The following HELZ2 variants were observed in gnomAD, a reference collection of about 807,000 sequenced individuals.
The protein encoded by HELZ2 is helicase with zinc finger 2.
Under a neutral mutation model 208.8 loss-of-function variants are expected in HELZ2, and 143 were observed. That is an observed-to-expected ratio of 0.68 (90% CI 0.60 to 0.79). The LOEUF is 0.79. Among genes scored for constraint, HELZ2 ranks in the 30% least tolerant of loss-of-function variants. HELZ2 has a pLI of 0.00. For missense variants in HELZ2, 3,690 were observed against 3,794.5 expected (o/e 0.97, Z 0.72); for synonymous variants, 1,705 against 1,693.7 (o/e 1.01, Z -0.16).
exon 8 of HELZ2, chr20:63,563,362 G>C: frequency 6.5e-7 from 1 of 1,537,634 alleles, no homozygotes; most frequent in Non-Finnish European, 8.7e-7. Context: ...CCACGGCCAG[G>C]GTGTGTGGGT....
At position 63,571,884 on chromosome 20, in the gene HELZ2, C is replaced by A. The variant is rs1342680969; in HGVS notation, c.278+224G>T. The A allele has an allele frequency of 8.7e-5, 30 of 344,538 alleles. 4 individuals are homozygous for A. Among genetic ancestry groups the A allele is most frequent in the Non-Finnish European group, 1.3e-4 (28 of 213,364 alleles). The allele number at this position is 344,538 out of a possible 1,614,324, so 21.3% of individuals were successfully genotyped here. A position where few individuals can be genotyped will look rare whatever the true frequency, so the allele number is the denominator to read the frequency against. On this transcript the variant is annotated intron_variant, in intron 1 of 18. Transcript: ENST00000467148. ...GTGGGCTCCTGCCCTGCTCCAAGCT[C>A]CTGGGAGCCTCTGGCTCTGCCTGTG...
chr20:63,562,210 G>C lies in HELZ2; in HGVS notation c.6398-7C>G, dbSNP rs767412349. On this transcript the variant is annotated splice_region_variant and splice_polypyrimidine_tract_variant and intron_variant, in intron 9 of 18. Coordinates refer to ENST00000467148, the Ensembl canonical transcript of HELZ2. Reference sequence around the variant, plus strand: ...AGGAACCTGCTGGGGATCACTGAGAGGGGGCAGCCTCCCTGAGCACTCATG... The same window carrying C: ...AGGAACCTGCTGGGGATCACTGAGACGGGGCAGCCTCCCTGAGCACTCATG... The C allele has an allele frequency of 1.9e-6, 3 of 1,611,690 alleles. No individual in the cohort carries two copies. In the African/African-American group the frequency reaches 4.0e-5, roughly 22 times the overall value.
rs775234724 is a variant in HELZ2 at position 63,562,455 on chromosome 20, C to G, written c.6302+65G>C. ...GGGGCTGCTGCCCCACGAGCTCCCC[C>G]CTCCTGCAAGTGAGGGGCCCGGGGC... On this transcript the variant is annotated intron_variant, in intron 8 of 18. Coordinates refer to ENST00000467148, the Ensembl canonical transcript of HELZ2. 1,331 of 1,528,306 alleles carry G rather than the reference C, an allele frequency of 8.7e-4. 2 individuals are homozygous for G. Among genetic ancestry groups the G allele is most frequent in the Admixed American group, 2.0e-3 (98 of 48,134 alleles). 94.7% of individuals were successfully genotyped at this position (1,528,306 alleles called of 1,614,324 possible). A position where few individuals can be genotyped will look rare whatever the true frequency, so the allele number is the denominator to read the frequency against.
In HELZ2 at chr20:63,562,123, C is replaced by A. The variant is rs1328383463; in HGVS notation, c.6478G>T (p.Ala2160Ser). Residue 2160 changes from alanine to serine, a missense_variant, in exon 10 of 19, where the codon GCG (alanine) becomes TCG (serine). This residue lies in a region of HELZ2 where 2,564 missense variants were observed against 2,580.5 expected (regional missense o/e 0.99). Coordinates refer to ENST00000467148, the Ensembl canonical transcript of HELZ2. Reference sequence around the variant, plus strand: ...GGCTTCTCCAGAGCCTCCCTGACCGCCACGTTCTGGCTGGGGTTCAGCTTG... The same window carrying A: ...GGCTTCTCCAGAGCCTCCCTGACCGACACGTTCTGGCTGGGGTTCAGCTTG... 1.2e-6 allele frequency: 2 copies of A among 1,612,490 alleles called. No homozygotes were observed. The highest frequency in any genetic ancestry group is 2.7e-5 in the African/African-American group (2 of 74,946).
chr20:63,568,201 C>T lies in HELZ2; in HGVS notation c.1730+157G>A, dbSNP rs572109081. ...ACAGCAGACCCGGCCACCCTCGGTGCCCTGAGCTGGGCCTGATAAAGCCAA... is the reference window on the plus strand; with the variant it reads ...ACAGCAGACCCGGCCACCCTCGGTGTCCTGAGCTGGGCCTGATAAAGCCAA... On this transcript the variant is annotated intron_variant, in intron 5 of 18. Coordinates refer to ENST00000467148, the Ensembl canonical transcript of HELZ2. 1.4e-5 allele frequency: 9 copies of T among 651,414 alleles called. No individual in the cohort carries two copies. The Admixed American group carries it at 2.7e-4, about 19-fold the overall frequency. The allele number at this position is 651,414 out of a possible 1,614,324, so 40.4% of individuals were successfully genotyped here.
chr20:63,566,697 G>A (rs546645513), intron 6 of HELZ2, 147 bp downstream of exon 7: 9 of 823,602 alleles, frequency 1.1e-5, no homozygotes, highest in African/African-American at 1.0e-4. Flanking sequence ...CTCAGGGGCC[G>A]AGCCCCACCT....
intron 7 of HELZ2, 41 bp from the exon 9 acceptor site, chr20:63,566,272 A>G (rs1350152835): frequency 6.0e-6 from 9 of 1,488,380 alleles, no homozygotes; most frequent in Non-Finnish European, 8.1e-6. Context: ...GGTGCGCAAG[A>G]CGGTGGGACC....
intron 1 of HELZ2, 166 bp from the exon 3 acceptor site, chr20:63,571,034 AAACATG>A: frequency 1.7e-6 from 1 of 582,464 alleles, no homozygotes; most frequent in East Asian, 2.8e-5. Flanking sequence ...AGCAGTTCCC[AAACATG>A]AACCTCCCTT....
chr20:63,569,652 T>C, exon 4 of HELZ2: 1 of 1,534,268 alleles, frequency 6.5e-7, no homozygotes, highest in Non-Finnish European at 8.8e-7. Flanking sequence ...CAGGGCCACG[T>C]GTAGCAGGGG....
chr20:63,567,292 C>A, exon 6 of HELZ2: 1 of 1,610,074 alleles, frequency 6.2e-7, no homozygotes, highest in African/African-American at 1.3e-5. Context: ...CAGCACGAGG[C>A]GGGTGCCGTG....
chr20:63,565,923 G>C, exon 8 of HELZ2: 5 of 1,598,584 alleles, frequency 3.1e-6, no homozygotes, highest in Non-Finnish European at 4.2e-6. Flanking sequence ...GCCCCAGCCT[G>C]TGTGCCTCGG....
chr20:63,562,732 G>A (rs756937810), exon 8 of HELZ2: 2 of 1,602,364 alleles, frequency 1.2e-6, no homozygotes, highest in Non-Finnish European at 1.7e-6. Flanking sequence ...TCAGGCCAGG[G>A]CCGAGGCTGC....
chr20:63,560,839 G>C lies in HELZ2; in HGVS notation c.7237C>G (p.Arg2413Gly), dbSNP rs750860102. The C allele has an allele frequency of 6.2e-7, 1 of 1,613,048 alleles. No individual in the cohort carries two copies. ...AGCATATGTGCGTCCTCGTGGTACC[G>C]CTCGAACAGAGACCGGTCCAGACCC... is the stretch of plus-strand genomic sequence containing the variant. The change falls in exon 15 of 19, where the codon CGG (arginine) becomes GGG (glycine). Residue 2413 changes from arginine (R) to glycine (G), a missense_variant. By Grantham distance (125) the Arg-to-Gly change is moderately radical (BLOSUM62 -2). Around this residue, in one of 3 missense-constraint regions of HELZ2, gnomAD observed 2,564 missense variants for 2,580.5 expected, o/e 0.99. Coordinates refer to ENST00000467148, the Ensembl canonical transcript of HELZ2.
chr20:63,563,092 G>A (rs753207905), exon 8 of HELZ2: 3 of 1,597,782 alleles, frequency 1.9e-6, no homozygotes, highest in Non-Finnish European at 2.6e-6. Context: ...CCAGGCAGAG[G>A]CTGAAGCCCG....
intron 1 of HELZ2, 86 bp from the exon 3 acceptor site, chr20:63,570,954 GGC>G (rs771244224): frequency 1.8e-5 from 19 of 1,034,336 alleles, no homozygotes; most frequent in African/African-American, 4.8e-5. Context: ...GCCCAATACT[GGC>G]CTCTGTAGGG....
chr20:63,566,252 G>C, intron 7 of HELZ2, 21 bp from the exon 9 acceptor site: 4 of 1,490,144 alleles, frequency 2.7e-6, no homozygotes, highest in South Asian at 2.7e-5. Context: ...CACGCAGTCA[G>C]GTCAGGCTGG....
At chr20:63,565,839 T>G (rs1181811598) in exon 8 of HELZ2, 1 of 1,598,952 alleles carries the variant, frequency 6.3e-7, no homozygotes, top group African/African-American at 1.3e-5. Context: ...GCCTTCACCA[T>G]GGCCGTCACC....
exon 8 of HELZ2, chr20:63,564,693 T>C: frequency 1.3e-6 from 2 of 1,599,464 alleles, no homozygotes; most frequent in Non-Finnish European, 1.7e-6. Flanking sequence ...GGCACGAAGC[T>C]GGCCACATCA....
chr20:63,572,029 T>C, intron 1 of HELZ2, 79 bp downstream of exon 2: 1 of 1,476,676 alleles, frequency 6.8e-7, no homozygotes, highest in Non-Finnish European at 9.1e-7. Flanking sequence ...CCTGCCCCAC[T>C]CCAAGCTCCT....
Sources: allele counts gnomAD v4.1 joint callset, GRCh38; gene constraint gnomAD v4.1.1; regional missense constraint gnomAD v4.1.1; transcripts MANE v1.5; gene names NCBI Gene and HGNC (gene_info 2026-07-23, HGNC 2026-07-21).